The following PAK4 variants were observed in gnomAD, a reference collection of about 807,000 sequenced individuals.
PAK4 encodes serine/threonine-protein kinase PAK 4.
A neutral mutation model predicts 53.5 loss-of-function variants in PAK4; 49 were observed. The observed-to-expected ratio is 0.92, with a 90% CI of 0.73 to 1.16. PAK4 has a LOEUF of 1.16. Among genes scored for constraint, PAK4 ranks in the 50% most tolerant of loss-of-function variants. The pLI, the probability that PAK4 is intolerant of heterozygous loss-of-function variation, is 0.00. For synonymous variants in PAK4, 376 were observed against 375.6 expected, an observed-to-expected ratio of 1.00 and a Z score of -0.01; for missense variants, 824 against 850.7, an observed-to-expected ratio of 0.97 and a Z score of 0.39.
chr19:39,173,369 G>A lies in PAK4; in HGVS notation c.656G>A (p.Gly219Asp). The change falls in exon 3 of 9, where the codon GGT (glycine) becomes GAT (aspartate). Residue 219 changes from glycine (G) to aspartate (D), a missense_variant. Coordinates refer to ENST00000358301, the Ensembl canonical transcript of PAK4. This position sits in a 1 kb window ranked among gnomAD's most constrained non-coding sequence, Gnocchi z 6.9. ...GCTGACACGGACCACCCATCCCGGG[G>A]TGCCCAGGTAACCCATCCCCCGCCC... 6.5e-7 allele frequency: 1 copy of A among 1,528,886 alleles called. No individual in the cohort carries two copies. Among genetic ancestry groups the A allele is most frequent in the Non-Finnish European group, 8.8e-7 (1 of 1,136,492 alleles). The allele number at this position is 1,528,886 out of a possible 1,614,324, so 94.7% of individuals were successfully genotyped here.
chr19:39,177,919 GCTTA>G, intron 8 of PAK4, 110 bp downstream of exon 9: 1 of 1,281,826 alleles, frequency 7.8e-7, no homozygotes, highest in Non-Finnish European at 1.1e-6. Flanking sequence ...CTGGGATGGC[GCTTA>G]CTGTGTGCTG....
At position 39,161,326 on chromosome 19, in the gene PAK4, C is replaced by T. The variant is rs920486562; in HGVS notation, c.-22-8206C>T. Among the ~76,000 whole-genome samples, 5 of 152,220 alleles carry T rather than the reference C, an allele frequency of 3.3e-5. No homozygotes were observed. The highest frequency in any genetic ancestry group is 6.5e-5 in the Admixed American group (1 of 15,282). On this transcript the variant is annotated intron_variant, in intron 1 of 8. Coordinates refer to ENST00000358301, the Ensembl canonical transcript of PAK4. The surrounding 1 kb of genome is among the most constrained non-coding windows in gnomAD (Gnocchi z 4.5). ...GCAACGCTGAGGGCCCTGGAGGGAA[C>T]GGACCTAGGCTGACTGCGCCAGGCT...
rs2074287839 is a variant in PAK4, at chr19:39,161,721, A to G, written c.-22-7811A>G. ...CCCAAAGCCCCACACGATCTGCCCC[A>G]TTACCTCCTTGGCCTGTCCTTCCAC... On this transcript the variant is annotated intron_variant, in intron 1 of 8. Transcript: ENST00000358301. This position sits in a 1 kb window ranked among gnomAD's most constrained non-coding sequence, Gnocchi z 4.5. Among the ~76,000 whole-genome samples the G allele has an allele frequency of 6.6e-6, 1 of 150,984 alleles. No individual in the cohort carries two copies. The highest frequency in any genetic ancestry group is 1.5e-5 in the Non-Finnish European group (1 of 67,740).
In PAK4 at chr19:39,169,533, C is replaced by T. The variant is rs779254494; in HGVS notation, c.-21C>T. Reference sequence around the variant, plus strand: ...ACCCACCGTGATTCCCTCCCGCAGGCCGCACCGAGTCCCCGGCACCATGTT... The same window carrying T: ...ACCCACCGTGATTCCCTCCCGCAGGTCGCACCGAGTCCCCGGCACCATGTT... On this transcript the variant is annotated splice_region_variant and 5_prime_UTR_variant, in exon 2 of 9. Coordinates refer to ENST00000358301, the Ensembl canonical transcript of PAK4. 7 of 1,608,208 alleles carry T rather than the reference C, an allele frequency of 4.4e-6. No homozygotes were observed. In the East Asian group the frequency reaches 1.6e-4, roughly 36 times the overall value.
intron 1 of PAK4, among the ~76,000 whole-genome samples, chr19:39,140,933 T>A (rs556940208): frequency 4.7e-4 from 71 of 152,194 alleles, no homozygotes; most frequent in Non-Finnish European, 8.8e-4. Flanking sequence ...CATTATGCCA[T>A]TCTGGTTACT....
At chr19:39,150,227 G>A (rs560231696) in intron 1 of PAK4, among the ~76,000 whole-genome samples, 3 of 152,000 alleles carry the variant, frequency 2.0e-5, no homozygotes, top group African/African-American at 4.8e-5. Flanking sequence ...TTGCTGCAGC[G>A]CTGGGAGAGG....
intron 1 of PAK4, among the ~76,000 whole-genome samples, chr19:39,152,685 G>T (rs2074112394): frequency 6.6e-6 from 1 of 152,162 alleles, no homozygotes; most frequent in African/African-American, 2.4e-5. Context: ...TGGTTAAGAT[G>T]AAAAAGGCAT....
At chr19:39,142,190 C>T (rs990491476) in intron 1 of PAK4, among the ~76,000 whole-genome samples, 18 of 152,146 alleles carry the variant, frequency 1.2e-4, no homozygotes, top group African/African-American at 2.2e-4. Flanking sequence ...TTTCTACAGG[C>T]GACCTAGGCC....
chr19:39,176,592 G>A, exon 7 of PAK4: 1 of 1,613,780 alleles, frequency 6.2e-7, no homozygotes, highest in Non-Finnish European at 8.5e-7. Context: ...TGTCCCAGGT[G>A]AAGCTGTCAG....
intron 1 of PAK4, among the ~76,000 whole-genome samples, chr19:39,160,760 C>A (rs2074271146): frequency 6.6e-6 from 1 of 152,232 alleles, no homozygotes; most frequent in Non-Finnish European, 1.5e-5. Flanking sequence ...CCCTGTAGAA[C>A]TGTGTGTGTA....
intron 1 of PAK4, among the ~76,000 whole-genome samples, chr19:39,164,277 C>CAAA (rs57848634): frequency 3.9e-5 from 3 of 77,716 alleles, no homozygotes; most frequent in Non-Finnish European, 7.6e-5. Context: ...AACTCTGTCT[C>CAAA]AAAAAAAAAA....
At chr19:39,155,767 C>A (rs570343987) in intron 1 of PAK4, among the ~76,000 whole-genome samples, 1 of 152,156 alleles carries the variant, frequency 6.6e-6, no homozygotes, top group Non-Finnish European at 1.5e-5. Context: ...CGCCTGACCT[C>A]CCCTCGGGCA....
chr19:39,157,382 T>A (rs1268784301), intron 1 of PAK4, among the ~76,000 whole-genome samples: 3 of 140,736 alleles, frequency 2.1e-5, no homozygotes, highest in Non-Finnish European at 4.7e-5. Flanking sequence ...TCTTTGGGAG[T>A]CTCTGCATCT....
intron 1 of PAK4, among the ~76,000 whole-genome samples, chr19:39,129,238 C>T (rs1424546072): frequency 6.6e-6 from 1 of 151,564 alleles, no homozygotes; most frequent in East Asian, 1.9e-4. Flanking sequence ...CTGGATGTCT[C>T]TTGGTGGGGA....
intron 2 of PAK4, among the ~76,000 whole-genome samples, chr19:39,170,613 G>A (rs575185722): frequency 1.3e-5 from 2 of 152,342 alleles, no homozygotes; most frequent in East Asian, 1.9e-4. Flanking sequence ...GCAGGCCAAG[G>A]GGAACTCGGC....
intron 1 of PAK4, among the ~76,000 whole-genome samples, chr19:39,131,892 G>T (rs2073718952): frequency 6.6e-6 from 1 of 152,204 alleles, no homozygotes; most frequent in Non-Finnish European, 1.5e-5. Flanking sequence ...AGGGAGTATT[G>T]GTGGCCACCT....
intron 2 of PAK4, among the ~76,000 whole-genome samples, chr19:39,172,580 G>A (rs1467497145): frequency 6.6e-6 from 1 of 152,078 alleles, no homozygotes; most frequent in African/African-American, 2.4e-5. Flanking sequence ...ATTATGGGGT[G>A]GGTCAATTTC....
chr19:39,173,584 T>C lies in PAK4; in HGVS notation c.672T>C (p.Pro224=), dbSNP rs1283469268. The stretch of plus-strand genomic sequence containing the variant: ...CCTCTCTTCTGTTTCAGGGGGAGCC[T>C]CATGACGTGGCCCCTAACGGGCCAT... Residue 224 remains proline, a synonymous_variant, in exon 4 of 9, where the codon CCT becomes CCC. Coordinates refer to ENST00000358301, the Ensembl canonical transcript of PAK4. This position sits in a 1 kb window ranked among gnomAD's most constrained non-coding sequence, Gnocchi z 6.9. The C allele has an allele frequency of 3.9e-6, 6 of 1,522,342 alleles. No individual in the cohort carries two copies. The highest frequency in any genetic ancestry group is 5.3e-6 in the Non-Finnish European group (6 of 1,136,690). The allele number at this position is 1,522,342 out of a possible 1,614,324, so 94.3% of individuals were successfully genotyped here. A position where few individuals can be genotyped will look rare whatever the true frequency, so the allele number is the denominator to read the frequency against.
At chr19:39,135,188 A>T (rs1437602973) in intron 1 of PAK4, 2 of 151,992 alleles carry the variant, frequency 1.3e-5, no homozygotes, top group Non-Finnish European at 2.9e-5. Context: ...ACCTTGGAAC[A>T]TTTTTATTCT....
Sources: gnomAD v4.1 joint callset for allele counts (sites outside exome capture counted in the v4.1 genomes callset) on GRCh38, gnomAD v4.1.1 for gene constraint, Gnocchi (gnomAD v3.1) non-coding constraint, MANE v1.5 for transcripts, NCBI Gene and HGNC (gene_info 2026-07-23, HGNC 2026-07-21) for gene names.